Variants in TMC1 observed in about 807,000 individuals in gnomAD.
The protein encoded by TMC1 is transmembrane channel like 1.
Under a neutral mutation model 105.8 loss-of-function variants are expected in TMC1, and 84 were observed. The observed-to-expected ratio is 0.79, with a 90% CI of 0.67 to 0.95. The LOEUF (loss-of-function observed/expected upper bound fraction) is 0.95. Among genes scored for constraint, TMC1 ranks in the 40% least tolerant of loss-of-function variants. The pLI is 0.00. For synonymous variants in TMC1, 315 were observed against 311.5 expected, an observed-to-expected ratio of 1.01 and a Z score of -0.12; for missense variants, 817 against 914.1, an observed-to-expected ratio of 0.89 and a Z score of 1.37.
intron 8 of TMC1, among the ~76,000 whole-genome samples, chr9:72,703,554 G>A (rs375883841): frequency 6.6e-6 from 1 of 152,146 alleles, no homozygotes; most frequent in Non-Finnish European, 1.5e-5. Flanking sequence ...TATTAATGGG[G>A]CATTCCTTTT....
chr9:72,827,985 C>T (rs1408547748), intron 21 of TMC1, among the ~76,000 whole-genome samples: 1 of 152,150 alleles, frequency 6.6e-6, no homozygotes, highest in African/African-American at 2.4e-5. Context: ...TTATCTTCTT[C>T]AATTTTATAA....
At chr9:72,752,007 GA>G (rs1233738875) in intron 11 of TMC1, 51 bp downstream of exon 11, 1 of 1,163,780 alleles carries the variant, frequency 8.6e-7, no homozygotes, top group Non-Finnish European at 1.3e-6. Flanking sequence ...GTTTCTCCTA[GA>G]AAAGTATTTA....
chr9:72,670,616 G>A (rs913487269), intron 5 of TMC1, among the ~76,000 whole-genome samples: 1 of 152,060 alleles, frequency 6.6e-6, no homozygotes, highest in East Asian at 1.9e-4. Flanking sequence ...GATGTAATTA[G>A]TAAACAAAGA....
At chr9:72,833,249 AT>A (rs760055115) in intron 23 of TMC1, among the ~76,000 whole-genome samples, 36 of 151,968 alleles carry the variant, frequency 2.4e-4, no homozygotes, top group Non-Finnish European at 4.6e-4. Context: ...ATACTTTAAA[AT>A]TTTCTCAGGA....
chr9:72,615,014 A>C (rs1463036250), intron 2 of TMC1, among the ~76,000 whole-genome samples: 1 of 152,172 alleles, frequency 6.6e-6, no homozygotes, highest in African/African-American at 2.4e-5. Flanking sequence ...ACAATCCTTG[A>C]AATATCATTT....
chr9:72,676,642 T>C (rs1471417927), intron 5 of TMC1, among the ~76,000 whole-genome samples: 1 of 152,142 alleles, frequency 6.6e-6, no homozygotes, highest in East Asian at 1.9e-4. Context: ...CATAGGCTCA[T>C]TCTCCTAGAG....
intron 5 of TMC1, chr9:72,656,197 G>A: frequency 1.9e-6 from 1 of 538,606 alleles, no homozygotes; most frequent in East Asian, 4.3e-5. Context: ...AGCCATCACT[G>A]CTGCGCGGCT....
chr9:72,677,615 G>C (rs1485116285), intron 5 of TMC1, among the ~76,000 whole-genome samples: 1 of 152,112 alleles, frequency 6.6e-6, no homozygotes, highest in Non-Finnish European at 1.5e-5. Context: ...TAAATGACAA[G>C]AGATGAGATT....
At chr9:72,721,078 A>G (rs547363183) in intron 8 of TMC1, among the ~76,000 whole-genome samples, 3 of 152,358 alleles carry the variant, frequency 2.0e-5, no homozygotes, top group South Asian at 4.1e-4. Flanking sequence ...ATGATGAAAG[A>G]AACCAGAATA....
At chr9:72,571,314 C>T (rs1214820961) in intron 1 of TMC1, among the ~76,000 whole-genome samples, 1 of 151,522 alleles carries the variant, frequency 6.6e-6, no homozygotes, top group African/African-American at 2.4e-5. Context: ...CAGAACAAGA[C>T]TCTGTCTCAA....
rs1829135392 is a variant in TMC1 at position 72,836,956 on chromosome 9, T to C, written c.*983T>C. The C allele has an allele frequency of 6.6e-6, 1 of 152,172 alleles. No individual in the cohort carries two copies. Among genetic ancestry groups the C allele is most frequent in the Non-Finnish European group, 1.5e-5 (1 of 68,044 alleles). The allele number at this position is 152,172 out of a possible 1,614,324, so 9.4% of individuals were successfully genotyped here. ...ACAGCAGGAACAAAAGGAAATAAAA[T>C]ATACTTGGAAGAGAGCCAAGTGGGC... On this transcript the variant is annotated 3_prime_UTR_variant, in exon 24 of 24. Transcript: ENST00000297784.
chr9:72,534,571 T>C (rs983174147), intron 1 of TMC1, among the ~76,000 whole-genome samples: 17 of 152,234 alleles, frequency 1.1e-4, no homozygotes, highest in African/African-American at 4.1e-4. Flanking sequence ...GTATTTGGTA[T>C]CTGAATCTAT....
intron 5 of TMC1, among the ~76,000 whole-genome samples, chr9:72,650,172 G>T (rs1466302138): frequency 6.6e-6 from 1 of 152,080 alleles, no homozygotes; most frequent in Non-Finnish European, 1.5e-5. Flanking sequence ...ATCAACATTT[G>T]GGTATTCTCT....
intron 3 of TMC1, among the ~76,000 whole-genome samples, chr9:72,616,817 C>G (rs1041467576): frequency 2.6e-5 from 4 of 151,906 alleles, no homozygotes; most frequent in Non-Finnish European, 5.9e-5. Context: ...CTGTTCCCAC[C>G]CCCGCTGTAG....
chr9:72,656,565 TC>T (rs1176497741), intron 5 of TMC1, among the ~76,000 whole-genome samples: 1 of 152,238 alleles, frequency 6.6e-6, no homozygotes, highest in African/African-American at 2.4e-5. Flanking sequence ...ATCTGTTACT[TC>T]TATCATCTAT....
chr9:72,835,850 C>G, intron 23 of TMC1, 101 bp from the exon 24 acceptor site: 1 of 1,371,972 alleles, frequency 7.3e-7, no homozygotes, highest in Non-Finnish European at 1.0e-6. Flanking sequence ...TCATTCAGAA[C>G]CATTAAGCAC....
chr9:72,774,442 G>A (rs1827977359), intron 13 of TMC1, among the ~76,000 whole-genome samples: 1 of 152,148 alleles, frequency 6.6e-6, no homozygotes, highest in Admixed American at 6.5e-5. Context: ...GAAATCTGGT[G>A]TGTATTTTAT....
intron 1 of TMC1, among the ~76,000 whole-genome samples, chr9:72,559,176 C>T (rs1824001217): frequency 6.6e-6 from 1 of 151,550 alleles, no homozygotes; most frequent in East Asian, 1.9e-4. Flanking sequence ...CTCACTGCAA[C>T]CTCCGCCTCC....
rs372523243 is a variant in TMC1, at chr9:72,622,864, A to G, written c.-195-5057A>G. Among the ~76,000 whole-genome samples the G allele has an allele frequency of 2.6e-5, 4 of 151,996 alleles. No homozygotes were observed. The East Asian group carries it at 7.8e-4, about 30-fold the overall frequency. ...TCAGGAGTTTAAGACCAGCCTGGCC[A>G]ATGTGGTGAAACCCCATCTCTACTC... On this transcript the variant is annotated intron_variant, in intron 3 of 23. Coordinates refer to ENST00000297784, the MANE Select transcript of TMC1 (RefSeq NM_138691.3).
Sources: allele counts gnomAD v4.1 joint callset (sites outside exome capture counted in the v4.1 genomes callset), GRCh38; gene constraint gnomAD v4.1.1; transcripts MANE v1.5; gene names NCBI Gene and HGNC (gene_info 2026-07-23, HGNC 2026-07-21).